The following BMPR1A variants were observed in gnomAD, a reference collection of about 807,000 sequenced individuals.
BMPR1A encodes the protein bone morphogenetic protein receptor type-1A.
BMPR1A carries 7 observed loss-of-function variants against 66.0 expected under a neutral mutation model. That is an observed-to-expected ratio of 0.11 (90% CI 0.06 to 0.20). BMPR1A has a LOEUF of 0.20. Among genes scored for constraint, BMPR1A ranks in the 10% least tolerant of loss-of-function variants. The probability of loss-of-function intolerance (pLI) is 1.00; values close to 1 mark genes in which losing one functional copy is unlikely to be tolerated. For synonymous variants in BMPR1A, 200 were observed against 229.7 expected, an observed-to-expected ratio of 0.87 and a Z score of 1.17; for missense variants, 408 against 669.1, an observed-to-expected ratio of 0.61 and a Z score of 4.31.
downstream of BMPR1A, chr10:86,932,244 C>A (rs144680027): frequency 6.6e-6 from 1 of 152,180 alleles, no homozygotes; most frequent in Non-Finnish European, 1.5e-5. Context: ...CTAAATACTT[C>A]AGGGATGTTC....
At chr10:86,788,470 T>C (rs1248538456) in intron 1 of BMPR1A, among the ~76,000 whole-genome samples, 1 of 152,230 alleles carries the variant, frequency 6.6e-6, no homozygotes, top group Non-Finnish European at 1.5e-5. Flanking sequence ...ACATTGGTCT[T>C]AGGGCTGGAG....
At position 86,876,002 on chromosome 10, in the gene BMPR1A, A is replaced by G. The variant is rs1312868930; in HGVS notation, c.-17A>G. The G allele has an allele frequency of 1.9e-6, 3 of 1,589,814 alleles. No homozygotes were observed. In the African/African-American group the frequency reaches 4.1e-5, roughly 22 times the overall value. The stretch of plus-strand genomic sequence containing the variant: ...TTATTAAAGGTGACAGTACACAGGA[A>G]ACATTACAATTGAACAATGCCTCAG... On this transcript the variant is annotated 5_prime_UTR_variant, in exon 3 of 13. Transcript: ENST00000372037.
At chr10:86,931,278 T>TACACACACAC (rs1554892369), downstream of BMPR1A, 8 of 104,688 alleles carry the variant, frequency 7.6e-5, no homozygotes, top group Non-Finnish European at 1.2e-4. Flanking sequence ...TATATATATA[T>TACACACACAC]ATACACACAC....
At chr10:86,919,687 T>G (rs970115293) in intron 10 of BMPR1A, among the ~76,000 whole-genome samples, 2 of 151,264 alleles carry the variant, frequency 1.3e-5, no homozygotes, top group African/African-American at 2.4e-5. Context: ...TGGTGTTTTT[T>G]TTTGTTTGTT....
intron 7 of BMPR1A, among the ~76,000 whole-genome samples, chr10:86,910,988 C>G (rs542751713): frequency 1.7e-4 from 26 of 151,916 alleles, no homozygotes; most frequent in African/African-American, 6.0e-4. Context: ...AACCTCATCT[C>G]TATGAAAAAT....
intron 1 of BMPR1A, among the ~76,000 whole-genome samples, chr10:86,760,783 C>T (rs535915596): frequency 6.6e-6 from 1 of 152,244 alleles, no homozygotes; most frequent in African/African-American, 2.4e-5. Flanking sequence ...TTTCTACTTT[C>T]CCACCTTTTA....
At chr10:86,852,777 C>G (rs1842588993) in intron 2 of BMPR1A, among the ~76,000 whole-genome samples, 1 of 152,128 alleles carries the variant, frequency 6.6e-6, no homozygotes, top group African/African-American at 2.4e-5. Flanking sequence ...GTTCCATGTT[C>G]TTTACAAAGG....
chr10:86,793,291 A>G (rs1053860557), intron 1 of BMPR1A, among the ~76,000 whole-genome samples: 1 of 151,968 alleles, frequency 6.6e-6, no homozygotes, highest in African/African-American at 2.4e-5. Flanking sequence ...TGAGTTGTAT[A>G]GGGAAGGGTA....
intron 2 of BMPR1A, among the ~76,000 whole-genome samples, chr10:86,857,834 A>G (rs1378514915): frequency 6.8e-6 from 1 of 148,144 alleles, no homozygotes; most frequent in East Asian, 2.0e-4. Flanking sequence ...TTTTTTTTAA[A>G]TTAAATTGAG....
At chr10:86,856,812 T>C (rs1842647779) in intron 2 of BMPR1A, among the ~76,000 whole-genome samples, 1 of 152,276 alleles carries the variant, frequency 6.6e-6, no homozygotes, top group Non-Finnish European at 1.5e-5. Context: ...GTTATTCCGA[T>C]TAACTGGCTG....
chr10:86,880,301 C>T (rs913410138), intron 3 of BMPR1A, among the ~76,000 whole-genome samples: 2 of 152,198 alleles, frequency 1.3e-5, no homozygotes, highest in Admixed American at 1.3e-4. Context: ...TTTGCCTGTT[C>T]TCCTGGCCTT....
intron 2 of BMPR1A, chr10:86,856,326 C>T: frequency 4.5e-6 from 2 of 441,460 alleles, no homozygotes; most frequent in Non-Finnish European, 8.9e-6. Context: ...CCCTCTGCAG[C>T]CCAGGGCAGT....
At chr10:86,804,721 C>T (rs1436188374) in intron 1 of BMPR1A, among the ~76,000 whole-genome samples, 1 of 148,916 alleles carries the variant, frequency 6.7e-6, no homozygotes. Flanking sequence ...TTTTTAAACA[C>T]CTTTATTTGG....
intron 1 of BMPR1A, among the ~76,000 whole-genome samples, chr10:86,807,247 C>T (rs550339182): frequency 3.9e-5 from 6 of 152,180 alleles, no homozygotes; most frequent in Non-Finnish European, 8.8e-5. Flanking sequence ...TAATTCTAAA[C>T]CAACCCCTCA....
intron 7 of BMPR1A, among the ~76,000 whole-genome samples, chr10:86,909,544 C>T (rs1323086883): frequency 6.6e-6 from 1 of 151,116 alleles, no homozygotes; most frequent in Non-Finnish European, 1.5e-5. Flanking sequence ...TGAGATCACA[C>T]CACTGTACTC....
chr10:86,921,834 G>A, intron 11 of BMPR1A, 139 bp downstream of exon 11: 1 of 1,042,912 alleles, frequency 9.6e-7, no homozygotes, highest in Non-Finnish European at 1.4e-6. Flanking sequence ...GAGTTATTTT[G>A]ATACAGGCAT....
chr10:86,924,691 A>C lies in BMPR1A; in HGVS notation c.*972A>C, dbSNP rs551367714. On this transcript the variant is annotated 3_prime_UTR_variant, in exon 13 of 13. Transcript: ENST00000372037. ...TATTCTTTATTCTCAGTAACTTTTA[A>C]AAGGGAAGTTATTTATATTTTGTGT... The C allele has an allele frequency of 5.1e-5, 12 of 233,084 alleles. No individual in the cohort carries two copies. Among genetic ancestry groups the C allele is most frequent in the Admixed American group, 1.1e-4 (2 of 17,798 alleles). 14.4% of individuals were successfully genotyped at this position (233,084 alleles called of 1,614,324 possible).
chr10:86,878,326 T>C (rs1764259992), intron 3 of BMPR1A, among the ~76,000 whole-genome samples: 1 of 152,152 alleles, frequency 6.6e-6, no homozygotes, highest in Non-Finnish European at 1.5e-5. Flanking sequence ...TGAGATAAAG[T>C]TACTTAGGTT....
In BMPR1A at chr10:86,884,394, ATTTTTTTTTTTTTTTTTTT is replaced by A. The variant is rs759424209; in HGVS notation, c.68-5649_68-5631del. ...AGCCACCATGCCTGGCAAACACATG[ATTTTTTTTTTTTTTTTTTT>A]TTTTTTTTTTTTTTTTTTGAGATGG... On this transcript the variant is annotated intron_variant, in intron 3 of 12. Coordinates refer to ENST00000372037, the MANE Select transcript of BMPR1A (RefSeq NM_004329.3). 6.3e-3 allele frequency among the ~76,000 whole-genome samples: 313 copies of A among 49,346 alleles called. 6 individuals carry two copies. Among genetic ancestry groups the A allele is most frequent in the Middle Eastern group, 0.015 (1 of 66 alleles). 32.4% of individuals were successfully genotyped at this position (49,346 alleles called of 152,430 possible).
Sources: allele counts gnomAD v4.1 joint callset (sites outside exome capture counted in the v4.1 genomes callset), GRCh38; gene constraint gnomAD v4.1.1; transcripts MANE v1.5; gene names NCBI Gene and HGNC (gene_info 2026-07-23, HGNC 2026-07-21).